REV3L: variants seen among roughly 807,000 people sequenced by gnomAD.
The protein encoded by REV3L is DNA polymerase zeta catalytic subunit.
A neutral mutation model predicts 299.4 loss-of-function variants in REV3L; 69 were observed. That is an observed-to-expected ratio of 0.23 (90% CI 0.19 to 0.28). The LOEUF (loss-of-function observed/expected upper bound fraction) is 0.28. Ranked by LOEUF, REV3L falls within the 10% of genes least tolerant of loss-of-function variation. REV3L has a pLI of 1.00. For synonymous variants in REV3L, 1,238 were observed against 1,271.4 expected (o/e 0.97, Z 0.56); for missense variants, 3,128 against 3,693.8 (o/e 0.85, Z 3.97).
chr6:111,340,909 A>T (rs1434388535), intron 21 of REV3L, among the ~76,000 whole-genome samples: 1 of 151,858 alleles, frequency 6.6e-6, no homozygotes, highest in Admixed American at 6.6e-5. Flanking sequence ...ATCATCCTAG[A>T]TAATACCTAA....
At chr6:111,450,765 A>G (rs1789440600) in intron 1 of REV3L, among the ~76,000 whole-genome samples, 1 of 152,212 alleles carries the variant, frequency 6.6e-6, no homozygotes, top group African/African-American at 2.4e-5. Flanking sequence ...ATTGTTTTAC[A>G]TTTTTGTAAA....
At position 111,416,296 on chromosome 6, in the gene REV3L, A is replaced by G; in HGVS notation, c.316T>C (p.Leu106=). The change falls in exon 2 of 32, where the codon TTA becomes CTA. Residue 106 remains leucine (L), a synonymous_variant. Transcript: ENST00000368802. ...STAQHVFKVS[L]VSGMPFYGYH... is the part of the protein sequence containing the mutation. ...TCATATACTTACATTCCTGATACTA[A>G]TGACACTTTGAACACATGCTGAGCA... The G allele has an allele frequency of 1.2e-6, 2 of 1,609,904 alleles. No homozygotes were observed. The highest frequency in any genetic ancestry group is 1.7e-6 in the Non-Finnish European group (2 of 1,177,476).
chr6:111,375,872 G>C lies in REV3L; in HGVS notation c.2483C>G (p.Ser828Cys). 1.9e-6 allele frequency: 3 copies of C among 1,613,872 alleles called. No individual in the cohort carries two copies. The highest frequency in any genetic ancestry group is 2.5e-6 in the Non-Finnish European group (3 of 1,179,890). Residue 828 changes from serine (S) to cysteine (C), a missense_variant, in exon 13 of 32, where the codon TCC (serine) becomes TGC (cysteine). Ser to Cys is a moderately radical substitution (Grantham distance 112). Coordinates refer to ENST00000368802, the MANE Select transcript of REV3L (RefSeq NM_001372078.1). ...TYKLQPGNKP[S>C]RLKLNKRKLA... ...TTTCCTTTTATTCAATTTTAACCGG[G>C]ATGGTTTATTGCCAGGTTGTAATTT...
intron 18 of REV3L, among the ~76,000 whole-genome samples, chr6:111,355,798 G>A (rs1426054334): frequency 6.6e-6 from 1 of 152,060 alleles, no homozygotes; most frequent in East Asian, 1.9e-4. Flanking sequence ...AAAGAAGTGT[G>A]GATACTGAAA....
At chr6:111,348,448 C>A (rs916688079) in intron 20 of REV3L, among the ~76,000 whole-genome samples, 1 of 152,126 alleles carries the variant, frequency 6.6e-6, no homozygotes, top group Non-Finnish European at 1.5e-5. Flanking sequence ...TTAACTATTT[C>A]AAAGTACTGT....
intron 1 of REV3L, among the ~76,000 whole-genome samples, chr6:111,453,068 A>G (rs1243239979): frequency 6.6e-6 from 1 of 152,156 alleles, no homozygotes; most frequent in Non-Finnish European, 1.5e-5. Flanking sequence ...TGATTCTAAA[A>G]GAGACCTTCA....
At position 111,331,790 on chromosome 6, in the gene REV3L, A is replaced by G. The variant is rs1775403224; in HGVS notation, c.7926-6T>C. On this transcript the variant is annotated splice_region_variant and splice_polypyrimidine_tract_variant and intron_variant, in intron 23 of 31. Coordinates refer to ENST00000368802, the MANE Select transcript of REV3L (RefSeq NM_001372078.1). ...CAAATTTGAACTCATCATACCTGTT[A>G]AGAAAGAGAACATTAAGCAAATACT... 6.4e-7 allele frequency: 1 copy of G among 1,565,996 alleles called. No homozygotes were observed. Among genetic ancestry groups the G allele is most frequent in the Non-Finnish European group, 8.8e-7 (1 of 1,139,504 alleles).
At chr6:111,417,330 A>G (rs1294330111) in intron 1 of REV3L, among the ~76,000 whole-genome samples, 1 of 152,218 alleles carries the variant, frequency 6.6e-6, no homozygotes, top group African/African-American at 2.4e-5. Context: ...AAGCAGATGC[A>G]CCATTGCTCT....
At chr6:111,436,861 T>C (rs1477382306) in intron 1 of REV3L, among the ~76,000 whole-genome samples, 1 of 152,232 alleles carries the variant, frequency 6.6e-6, no homozygotes, top group Non-Finnish European at 1.5e-5. Flanking sequence ...TTACAAATTA[T>C]GTAAATGTAG....
rs1409143365 is a variant in REV3L, at chr6:111,376,184, T to A, written c.2171A>T (p.Asn724Ile). 3 of 1,612,152 alleles carry A rather than the reference T, an allele frequency of 1.9e-6. No individual in the cohort carries two copies. The African/African-American group carries it at 4.0e-5, about 22-fold the overall frequency. ...HSKNKVSSEG[N>I]EKGNSTALSS... ...CAGAGCTGTGCTGTTTCCTTTTTCA[T>A]TTCCTTCAGAGGATACTTTATTTTT... The change falls in exon 13 of 32, where the codon AAT becomes ATT. Residue 724 changes from asparagine (N) to isoleucine (I), a missense_variant. Asn to Ile is a moderately radical substitution (Grantham distance 149, BLOSUM62 -3). Coordinates refer to ENST00000368802, the MANE Select transcript of REV3L (RefSeq NM_001372078.1).
At chr6:111,401,567 G>A (rs2128269321) in intron 4 of REV3L, among the ~76,000 whole-genome samples, 1 of 152,270 alleles carries the variant, frequency 6.6e-6, no homozygotes, top group East Asian at 1.9e-4. Context: ...AATTAGTTAT[G>A]AACAAATGAA....
At position 111,367,523 on chromosome 6, in the gene REV3L, T is replaced by C; in HGVS notation, c.6265A>G (p.Ser2089Gly). ...ACTGGTGGCAGCATCTGACTTTCAC[T>C]TGCAGTTTGACTACATCCCGTGGTT... Reference protein sequence around the residue: ...APTTGCSQTASESQMLPPVAS... With the variant: ...APTTGCSQTAGESQMLPPVAS... The change falls in exon 14 of 32, where the codon AGT (serine) becomes GGT (glycine). Residue 2089 changes from serine (S) to glycine (G), a missense_variant. Around this residue, in one of 9 missense-constraint regions of REV3L, gnomAD observed 2,409 missense variants for 2,611.8 expected, o/e 0.92. Transcript: ENST00000368802. 2 of 1,612,028 alleles carry C rather than the reference T, an allele frequency of 1.2e-6. No homozygotes were observed. The highest frequency in any genetic ancestry group is 1.7e-6 in the Non-Finnish European group (2 of 1,178,312).
chr6:111,473,618 A>G (rs550909884), intron 1 of REV3L, among the ~76,000 whole-genome samples: 2 of 151,952 alleles, frequency 1.3e-5, no homozygotes, highest in East Asian at 3.9e-4. Flanking sequence ...TATTAATAAT[A>G]TTATTATATA....
At chr6:111,341,763 G>GT (rs1372467403) in intron 21 of REV3L, among the ~76,000 whole-genome samples, 4 of 147,716 alleles carry the variant, frequency 2.7e-5, no homozygotes, top group Non-Finnish European at 4.6e-5. Flanking sequence ...AGTTGGGGGG[G>GT]GTCAGAAGTA....
In REV3L at chr6:111,388,006, G is replaced by C. The variant is rs1781514766; in HGVS notation, c.942C>G (p.Phe314Leu). ...RLQEILKQND[F>L]SVTLSGSVDY... is the part of the protein sequence containing the mutation. ...TATAATAAATAACCACTTACACAGA[G>C]AAATCATTCTGTTTGAGAATTTCCT... The change falls in exon 8 of 32, where the codon TTC becomes TTG. Residue 314 changes from phenylalanine to leucine, a missense_variant. Physicochemically the swap from Phe to Leu is conservative, Grantham distance 22 (BLOSUM62 0). Coordinates refer to ENST00000368802, the MANE Select transcript of REV3L (RefSeq NM_001372078.1). 1 of 1,611,062 alleles carries C rather than the reference G, an allele frequency of 6.2e-7. No homozygotes were observed. The highest frequency in any genetic ancestry group is 1.3e-5 in the African/African-American group (1 of 74,810).
intron 4 of REV3L, among the ~76,000 whole-genome samples, chr6:111,395,418 A>G (rs1490393796): frequency 6.6e-6 from 1 of 152,130 alleles, no homozygotes; most frequent in Non-Finnish European, 1.5e-5. Flanking sequence ...TTCCTCCTAT[A>G]CAACCTTTAC....
At chr6:111,323,268 G>A (rs1020059223) in intron 25 of REV3L, among the ~76,000 whole-genome samples, 6 of 152,158 alleles carry the variant, frequency 3.9e-5, no homozygotes, top group African/African-American at 1.4e-4. Flanking sequence ...GATTATAGGC[G>A]TGAGCCACCG....
At chr6:111,394,729 A>T in intron 4 of REV3L, among the ~76,000 whole-genome samples, 1 of 145,546 alleles carries the variant, frequency 6.9e-6, no homozygotes, top group South Asian at 2.2e-4. Context: ...TTTTTGAGAC[A>T]GGGTCTCACT....
intron 21 of REV3L, among the ~76,000 whole-genome samples, chr6:111,341,197 C>T (rs1299164913): frequency 1.3e-5 from 2 of 152,038 alleles, no homozygotes; most frequent in East Asian, 1.9e-4. Flanking sequence ...CAGGTGTGCA[C>T]CACCATGCCC....
Sources: gnomAD v4.1 joint callset for allele counts (sites outside exome capture counted in the v4.1 genomes callset) on GRCh38, gnomAD v4.1.1 for gene constraint, gnomAD v4.1.1 regional missense constraint, MANE v1.5 for transcripts, NCBI Gene and HGNC (gene_info 2026-07-23, HGNC 2026-07-21) for gene names.